The following PPP6C variants were observed in gnomAD, a reference collection of about 807,000 sequenced individuals.
PPP6C encodes the protein serine/threonine-protein phosphatase 6 catalytic subunit.
PPP6C carries 11 observed loss-of-function variants against 39.8 expected under a neutral mutation model. That is an observed-to-expected ratio of 0.28 (90% confidence interval 0.17 to 0.46). The LOEUF is 0.46. Ranked by LOEUF, PPP6C falls within the 20% of genes least tolerant of loss-of-function variation. PPP6C has a pLI of 1.00. For synonymous variants in PPP6C, 129 were observed against 130.3 expected (o/e 0.99, Z 0.07); for missense variants, 211 against 373.9 (o/e 0.56, Z 3.59).
At chr9:125,167,631 A>G (rs1829051196) in intron 2 of PPP6C, among the ~76,000 whole-genome samples, 2 of 151,874 alleles carry the variant, frequency 1.3e-5, no homozygotes, top group South Asian at 4.2e-4. Context: ...TGAACCTGGG[A>G]GGCAGAGGTT....
intron 1 of PPP6C, among the ~76,000 whole-genome samples, chr9:125,182,313 T>A (rs138527900): frequency 1.3e-5 from 2 of 152,250 alleles, no homozygotes; most frequent in East Asian, 1.9e-4. Context: ...TACTTTTACA[T>A]ACTGGTATTT....
intron 2 of PPP6C, among the ~76,000 whole-genome samples, chr9:125,162,175 C>A (rs1446288492): frequency 1.3e-5 from 2 of 151,742 alleles, no homozygotes; most frequent in Non-Finnish European, 2.9e-5. Context: ...CACCTGTAAT[C>A]CTGGAACTTT....
Position 125,174,904 on chromosome 9 carries a change from C to A in PPP6C, c.76-3724G>T, listed in dbSNP as rs536466431. On this transcript the variant is annotated intron_variant, in intron 1 of 6. Coordinates refer to ENST00000373547, the MANE Select transcript of PPP6C (RefSeq NM_002721.5). ...TCCAGTCTGGGCGACAGAGTGAGAA[C>A]CTATCTAAAAAAAAGAAAAACAGGC... Among the ~76,000 whole-genome samples the A allele has an allele frequency of 4.7e-5, 7 of 147,592 alleles. No homozygotes were observed. The South Asian group carries it at 1.5e-3, about 32-fold the overall frequency.
intron 4 of PPP6C, among the ~76,000 whole-genome samples, chr9:125,155,344 A>G (rs182747434): frequency 1.3e-5 from 2 of 152,292 alleles, no homozygotes; most frequent in Admixed American, 1.3e-4. Flanking sequence ...ATGATATAGG[A>G]AAGAAGTCTG....
chr9:125,164,217 TC>T (rs201162561), intron 2 of PPP6C, among the ~76,000 whole-genome samples: 10,711 of 109,148 alleles, frequency 0.098, 1,789 homozygotes, highest in Non-Finnish European at 0.14. Context: ...TCCCTCACTC[TC>T]TTTTTTTTTT....
At chr9:125,167,384 AAAAAAAAAAAAAAAAGAAAT>A (rs560705861) in intron 2 of PPP6C, among the ~76,000 whole-genome samples, 1 of 131,284 alleles carries the variant, frequency 7.6e-6, no homozygotes, top group Non-Finnish European at 1.6e-5. Flanking sequence ...CTGTCCAAAA[AAAAAAAAAAAAAAAAGAAAT>A]AAAAAAAAGG....
chr9:125,184,609 A>G lies in PPP6C; in HGVS notation c.75+5035T>C, dbSNP rs373828920. Among the ~76,000 whole-genome samples, 132 of 152,200 alleles carry G rather than the reference A, an allele frequency of 8.7e-4. No individual in the cohort carries two copies. In the Middle Eastern group the frequency reaches 0.014, roughly 16 times the overall value. On this transcript the variant is annotated intron_variant, in intron 1 of 6. Coordinates refer to ENST00000373547, the MANE Select transcript of PPP6C (RefSeq NM_002721.5). ...AAACAAGTATTTGTCATAAAGCAGT[A>G]AACAGTTTGAGTCAATAAACCTTTA...
At position 125,148,763 on chromosome 9, in the gene PPP6C, A is replaced by G. The variant is rs1228128475; in HGVS notation, c.*910T>C. On this transcript the variant is annotated 3_prime_UTR_variant, in exon 7 of 7. Coordinates refer to ENST00000373547, the MANE Select transcript of PPP6C (RefSeq NM_002721.5). ...TATCAAATTAACACATCAGCATTACAAGTATTAAATGTTTTTCTATTACTA... is the reference window on the plus strand; with the variant it reads ...TATCAAATTAACACATCAGCATTACGAGTATTAAATGTTTTTCTATTACTA... The G allele has an allele frequency of 6.6e-6, 1 of 152,356 alleles. No individual in the cohort carries two copies. Among genetic ancestry groups the G allele is most frequent in the East Asian group, 1.9e-4 (1 of 5,194 alleles). 9.4% of individuals were successfully genotyped at this position (152,356 alleles called of 1,614,324 possible).
chr9:125,175,791 T>A (rs533569290), intron 1 of PPP6C, among the ~76,000 whole-genome samples: 2 of 152,330 alleles, frequency 1.3e-5, no homozygotes, highest in African/African-American at 4.8e-5. Context: ...AGTTGTTCAA[T>A]GCAACAAATA....
At position 125,185,697 on chromosome 9, in the gene PPP6C, AAAAC is replaced by A. The variant is rs552030177; in HGVS notation, c.75+3943_75+3946del. ...CAACAGAGCAAGACTCCGTCTCAAA[AAAAC>A]AAACTAACAGGCCAGGCTCACACCT... On this transcript the variant is annotated intron_variant, in intron 1 of 6. Transcript: ENST00000373547. Among the ~76,000 whole-genome samples, 200 of 149,520 alleles carry A rather than the reference AAAAC, an allele frequency of 1.3e-3. 4 individuals are homozygous for A. Among genetic ancestry groups the A allele is most frequent in the African/African-American group, 4.6e-3 (184 of 40,064 alleles).
intron 2 of PPP6C, among the ~76,000 whole-genome samples, chr9:125,168,407 C>T (rs940105193): frequency 2.2e-4 from 33 of 152,194 alleles, no homozygotes; most frequent in African/African-American, 7.7e-4. Context: ...TGTATTTAAT[C>T]AGTCAATAGC....
intron 1 of PPP6C, among the ~76,000 whole-genome samples, chr9:125,176,517 C>T (rs1206983424): frequency 6.6e-6 from 1 of 152,142 alleles, no homozygotes; most frequent in Non-Finnish European, 1.5e-5. Flanking sequence ...ACTAGCTGGG[C>T]GTGGTGGCAT....
In PPP6C at chr9:125,159,883, G is replaced by A. The variant is rs553383267; in HGVS notation, c.237+958C>T. ...CTAAAAATACAAAAATTAGCTGGGC[G>A]TGGTGGCGCACGCCTGTAATACCAG... is the stretch of plus-strand genomic sequence containing the variant. On this transcript the variant is annotated intron_variant, in intron 3 of 6. Coordinates refer to ENST00000373547, the MANE Select transcript of PPP6C (RefSeq NM_002721.5). Among the ~76,000 whole-genome samples, 149 of 152,238 alleles carry A rather than the reference G, an allele frequency of 9.8e-4. 1 individual carries two copies. Among genetic ancestry groups the A allele is most frequent in the Non-Finnish European group, 1.8e-3 (121 of 68,018 alleles).
chr9:125,187,764 T>C (rs776507162), intron 1 of PPP6C, among the ~76,000 whole-genome samples: 5 of 151,922 alleles, frequency 3.3e-5, no homozygotes, highest in Admixed American at 1.3e-4. Flanking sequence ...CCAATGCTAG[T>C]TGTATTCTTA....
chr9:125,165,830 CCT>C (rs1829001485), intron 2 of PPP6C, among the ~76,000 whole-genome samples: 1 of 129,458 alleles, frequency 7.7e-6, no homozygotes, highest in Non-Finnish European at 1.6e-5. Context: ...AGGATCTCTC[CCT>C]GTTGTCCAGG....
intron 4 of PPP6C, among the ~76,000 whole-genome samples, chr9:125,155,673 G>A (rs1836050253): frequency 6.6e-6 from 1 of 152,188 alleles, no homozygotes; most frequent in Non-Finnish European, 1.5e-5. Context: ...GGAGGCCGAG[G>A]CGGGCGGATC....
At chr9:125,153,400 C>T (rs1048742723) in intron 6 of PPP6C, 133 bp downstream of exon 6, 1 of 819,006 alleles carries the variant, frequency 1.2e-6, no homozygotes, top group African/African-American at 1.7e-5. Context: ...AATAACTAAA[C>T]TAGAAATTTA....
chr9:125,171,478 C>CACACACACACAT (rs1171157245), intron 1 of PPP6C, among the ~76,000 whole-genome samples: 1 of 83,530 alleles, frequency 1.2e-5, no homozygotes, highest in African/African-American at 5.5e-5. Context: ...CACACACACA[C>CACACACACACAT]ATATATATAT....
intron 1 of PPP6C, 115 bp downstream of exon 1, chr9:125,189,529 G>C (rs535756406): frequency 4.6e-6 from 7 of 1,527,996 alleles, no homozygotes; most frequent in Non-Finnish European, 6.1e-6. Flanking sequence ...ACTGGCAATG[G>C]GGGAGGCCCT....
Sources: allele counts gnomAD v4.1 joint callset (sites outside exome capture counted in the v4.1 genomes callset), GRCh38; gene constraint gnomAD v4.1.1; transcripts MANE v1.5; gene names NCBI Gene and HGNC (gene_info 2026-07-23, HGNC 2026-07-21).